The following REDIC1 variants were observed in gnomAD, a reference collection of about 807,000 sequenced individuals.
REDIC1 encodes HEI10 Interacting Protein 1.
the REDIC1 span, among the ~76,000 whole-genome samples, chr12:39,671,772 C>T: frequency 6.6e-6 from 1 of 151,968 alleles, no homozygotes; most frequent in Non-Finnish European, 1.5e-5. Context: ...CATCCTCAAG[C>T]TCTGGGAAGG....
At chr12:39,724,218 G>A in the REDIC1 span, among the ~76,000 whole-genome samples, 1 of 152,102 alleles carries the variant, frequency 6.6e-6, no homozygotes, top group Non-Finnish European at 1.5e-5. Context: ...TTGAAAGTGT[G>A]TTCTACAACT....
the REDIC1 span, among the ~76,000 whole-genome samples, chr12:39,781,185 C>A: frequency 6.6e-6 from 1 of 152,184 alleles, no homozygotes; most frequent in Non-Finnish European, 1.5e-5. Flanking sequence ...CTGAGAAAAT[C>A]TATCTCAATC....
chr12:39,839,609 T>C, the REDIC1 span, among the ~76,000 whole-genome samples: 1 of 152,088 alleles, frequency 6.6e-6, no homozygotes, highest in South Asian at 2.1e-4. Flanking sequence ...CTTGTGCTGC[T>C]TGACACTATT....
chr12:39,741,008 C>T, the REDIC1 span, among the ~76,000 whole-genome samples: 1 of 151,982 alleles, frequency 6.6e-6, no homozygotes, highest in Non-Finnish European at 1.5e-5. Flanking sequence ...GCTCTGTCAC[C>T]CAGGCTGGAG....
the REDIC1 span, among the ~76,000 whole-genome samples, chr12:39,828,658 CT>C: frequency 1.3e-5 from 2 of 151,012 alleles, no homozygotes; most frequent in Non-Finnish European, 3.0e-5. Flanking sequence ...ATGTACATTT[CT>C]TTTTTTAACA....
chr12:39,692,407 A>T, the REDIC1 span, among the ~76,000 whole-genome samples: 1 of 151,898 alleles, frequency 6.6e-6, no homozygotes, highest in Admixed American at 6.6e-5. Flanking sequence ...CTTCAATTGT[A>T]TTTCATATCC....
chr12:39,889,771 CTG>C, the REDIC1 span, among the ~76,000 whole-genome samples: 1 of 152,100 alleles, frequency 6.6e-6, no homozygotes, highest in African/African-American at 2.4e-5. Flanking sequence ...ACCTCGTGAT[CTG>C]CCCGCCTTGG....
At chr12:39,839,863 C>A in the REDIC1 span, among the ~76,000 whole-genome samples, 2 of 152,080 alleles carry the variant, frequency 1.3e-5, no homozygotes, top group Admixed American at 1.3e-4. Context: ...TCAAACTCAA[C>A]AACCTAAAGC....
chr12:39,845,626 G>A, the REDIC1 span, among the ~76,000 whole-genome samples: 1 of 152,108 alleles, frequency 6.6e-6, no homozygotes, highest in Non-Finnish European at 1.5e-5. Flanking sequence ...ATGACATTTG[G>A]TTGGAAGTTG....
chr12:39,703,084 G>A, the REDIC1 span, among the ~76,000 whole-genome samples: 77 of 152,100 alleles, frequency 5.1e-4, 1 homozygote, highest in Non-Finnish European at 9.8e-4. Context: ...TTCTGGCCAG[G>A]GCAATTAGGC....
At chr12:39,686,396 C>A in the REDIC1 span, among the ~76,000 whole-genome samples, 1 of 151,938 alleles carries the variant, frequency 6.6e-6, no homozygotes, top group Non-Finnish European at 1.5e-5. Flanking sequence ...ACATGGAAGC[C>A]ATCAAGGCTT....
chr12:39,777,494 T>C, the REDIC1 span, among the ~76,000 whole-genome samples: 2 of 152,192 alleles, frequency 1.3e-5, no homozygotes, highest in Non-Finnish European at 2.9e-5. Context: ...GGTCCCTGAC[T>C]AGGGCTCCAC....
the REDIC1 span, among the ~76,000 whole-genome samples, chr12:39,850,284 A>G: frequency 1.3e-5 from 2 of 152,196 alleles, no homozygotes; most frequent in African/African-American, 4.8e-5. Flanking sequence ...ATATTTTTCA[A>G]CAATCTAGGT....
the REDIC1 span, among the ~76,000 whole-genome samples, chr12:39,680,996 G>A: frequency 2.6e-5 from 4 of 152,196 alleles, no homozygotes; most frequent in African/African-American, 9.6e-5. Flanking sequence ...AATGGACCGG[G>A]TGTGGTGGCC....
chr12:39,793,651 C>T, the REDIC1 span, among the ~76,000 whole-genome samples: 137 of 152,160 alleles, frequency 9.0e-4, 1 homozygote, highest in East Asian at 7.3e-3. Flanking sequence ...ATATATATTG[C>T]GTTAGGTAGA....
At chr12:39,745,796 G>C in the REDIC1 span, 1 of 152,160 alleles carries the variant, frequency 6.6e-6, no homozygotes, top group African/African-American at 2.4e-5. Context: ...TCACTATAAA[G>C]CTTTTTTGCT....
chr12:39,879,471 C>G, the REDIC1 span, among the ~76,000 whole-genome samples: 1 of 152,206 alleles, frequency 6.6e-6, no homozygotes, highest in African/African-American at 2.4e-5. Flanking sequence ...CCTTGGGAGC[C>G]CAGCCCTTGC....
chr12:39,730,088 C>T, the REDIC1 span, among the ~76,000 whole-genome samples: 1 of 152,166 alleles, frequency 6.6e-6, no homozygotes, highest in Admixed American at 6.5e-5. Flanking sequence ...ATACAGCACA[C>T]CTATGGGTCT....
the REDIC1 span, among the ~76,000 whole-genome samples, chr12:39,793,029 G>T: frequency 6.6e-6 from 1 of 152,008 alleles, no homozygotes; most frequent in Non-Finnish European, 1.5e-5. Context: ...CATTCCTTGG[G>T]TCATAAAGAT....
Sources: gnomAD v4.1 joint callset for allele counts (sites outside exome capture counted in the v4.1 genomes callset) on GRCh38, gnomAD v4.1.1 for gene constraint, MANE v1.5 for transcripts, NCBI Gene and HGNC (gene_info 2026-07-23, HGNC 2026-07-21) for gene names.